ZFHX3: variants seen among roughly 807,000 people sequenced by gnomAD.
ZFHX3 encodes the protein zinc finger homeobox protein 3.
In ZFHX3, 42 loss-of-function variants were observed where a neutral mutation model predicts 279.1. That is an observed-to-expected ratio of 0.15 (90% CI 0.12 to 0.19). ZFHX3 has a LOEUF of 0.19. ZFHX3 is among the 10% of genes least tolerant of loss of function. The probability of loss-of-function intolerance (pLI) is 1.00; values close to 1 mark genes in which losing one functional copy is unlikely to be tolerated. For missense variants in ZFHX3, 4,981 were observed against 4,754.0 expected (o/e 1.05, Z -1.40); for synonymous variants, 2,293 against 1,957.8 (o/e 1.17, Z -4.52).
intron 4 of ZFHX3, among the ~76,000 whole-genome samples, chr16:72,882,866 G>A (rs148026111): frequency 0.023 from 3,479 of 152,102 alleles, 68 homozygotes; most frequent in South Asian, 0.1. Flanking sequence ...AAGCAATAGC[G>A]TCTCCAAGAT....
chr16:73,596,815 G>T (rs1040014034), intron 2 of ZFHX3, among the ~76,000 whole-genome samples: 1 of 152,126 alleles, frequency 6.6e-6, no homozygotes, highest in African/African-American at 2.4e-5. Context: ...TTTCAGATCT[G>T]CTATAGTCCT....
chr16:73,860,234 T>C (rs1342475628), intron 1 of ZFHX3, among the ~76,000 whole-genome samples: 2 of 152,186 alleles, frequency 1.3e-5, no homozygotes, highest in Non-Finnish European at 2.9e-5. Flanking sequence ...ACAAATGTAA[T>C]GTTCCCCCAA....
chr16:73,720,969 C>G (rs2142237803), intron 1 of ZFHX3, among the ~76,000 whole-genome samples: 1 of 152,246 alleles, frequency 6.6e-6, no homozygotes, highest in South Asian at 2.1e-4. Context: ...AAGTGACAGC[C>G]TAGGGGCCAC....
intron 1 of ZFHX3, among the ~76,000 whole-genome samples, chr16:73,837,539 T>C (rs1161873943): frequency 6.6e-6 from 1 of 152,232 alleles, no homozygotes; most frequent in African/African-American, 2.4e-5. Context: ...ATGCCCATGC[T>C]CCAGAATCAC....
intron 1 of ZFHX3, among the ~76,000 whole-genome samples, chr16:73,025,227 G>A (rs920240522): frequency 1.1e-4 from 16 of 152,074 alleles, no homozygotes; most frequent in Non-Finnish European, 1.8e-4. Flanking sequence ...TCCCCACAAC[G>A]ACCGCCCTGC....
chr16:72,878,189 A>G (rs573821534), intron 4 of ZFHX3, among the ~76,000 whole-genome samples: 1 of 152,264 alleles, frequency 6.6e-6, no homozygotes, highest in South Asian at 2.1e-4. Context: ...AAAAAAAGAA[A>G]ACAAAAACAA....
chr16:72,983,571 G>A (rs1342917420), intron 1 of ZFHX3, among the ~76,000 whole-genome samples: 3 of 152,188 alleles, frequency 2.0e-5, no homozygotes, highest in African/African-American at 7.2e-5. Flanking sequence ...GCTGGGAGTG[G>A]TGGCACCCAC....
intron 5 of ZFHX3, among the ~76,000 whole-genome samples, chr16:73,195,798 G>A (rs929851614): frequency 2.0e-5 from 3 of 152,144 alleles, no homozygotes; most frequent in Non-Finnish European, 4.4e-5. Flanking sequence ...AGGGGAATCA[G>A]GAACGGCAGG....
At chr16:73,488,030 T>A (rs1243327655) in intron 2 of ZFHX3, among the ~76,000 whole-genome samples, 2 of 152,206 alleles carry the variant, frequency 1.3e-5, no homozygotes, top group African/African-American at 2.4e-5. Flanking sequence ...CTAGCATAAA[T>A]GTTCTACCTG....
At chr16:73,457,642 G>A (rs967615177) in intron 2 of ZFHX3, among the ~76,000 whole-genome samples, 24 of 152,284 alleles carry the variant, frequency 1.6e-4, no homozygotes, top group African/African-American at 4.6e-4. Flanking sequence ...GCGTAGTGGC[G>A]CATGCCTGTA....
At chr16:73,698,989 A>G (rs1002322839) in intron 1 of ZFHX3, among the ~76,000 whole-genome samples, 1 of 151,972 alleles carries the variant, frequency 6.6e-6, no homozygotes, top group African/African-American at 2.4e-5. Context: ...GGTTCAAGCA[A>G]TTCTCCTGCC....
intron 7 of ZFHX3, among the ~76,000 whole-genome samples, chr16:73,119,321 G>A (rs1966468579): frequency 6.6e-6 from 1 of 152,042 alleles, no homozygotes; most frequent in African/African-American, 2.4e-5. Flanking sequence ...TGTCTAGGCT[G>A]GTCTCCAACT....
intron 4 of ZFHX3, among the ~76,000 whole-genome samples, chr16:72,854,056 T>C (rs551564590): frequency 1.3e-5 from 2 of 152,296 alleles, no homozygotes; most frequent in African/African-American, 4.8e-5. Context: ...TGTGCTAACA[T>C]GAGGGTCCTG....
chr16:73,117,767 G>A (rs2144805084), intron 7 of ZFHX3, among the ~76,000 whole-genome samples: 1 of 152,288 alleles, frequency 6.6e-6, no homozygotes, highest in African/African-American at 2.4e-5. Context: ...TAGGTCATGA[G>A]GGTGGAACCC....
chr16:73,680,533 A>G (rs1052712884), intron 1 of ZFHX3, among the ~76,000 whole-genome samples: 1 of 152,232 alleles, frequency 6.6e-6, no homozygotes, highest in Non-Finnish European at 1.5e-5. Context: ...CACATTAACC[A>G]ATACATTTTT....
At chr16:73,063,206 G>A (rs929293308), upstream of ZFHX3, among the ~76,000 whole-genome samples, 2 of 152,232 alleles carry the variant, frequency 1.3e-5, no homozygotes, top group Non-Finnish European at 2.9e-5. Flanking sequence ...GGGTTAAGCT[G>A]CCCGAGCCCG....
rs1172073237 is a variant in ZFHX3 at position 73,276,439 on chromosome 16, C to A, written c.-1193-19303G>T. ...CCTCAAGTGATCTGCCTGCCTTGGC[C>A]TCTCAAAGTGCTGGGATTTACAGGT... On this transcript the variant is annotated intron_variant, in intron 4 of 17. Coordinates refer to the ZFHX3 transcript ENST00000641206. 3.3e-5 allele frequency among the ~76,000 whole-genome samples: 5 copies of A among 152,078 alleles called. No homozygotes were observed. In the East Asian group the frequency reaches 7.7e-4, roughly 23 times the overall value.
chr16:73,179,172 T>C (rs904972266), intron 5 of ZFHX3, among the ~76,000 whole-genome samples: 1 of 152,256 alleles, frequency 6.6e-6, no homozygotes, highest in African/African-American at 2.4e-5. Flanking sequence ...TGGCATTTGA[T>C]TTCTGGAACC....
chr16:73,745,980 T>C (rs1010076402), intron 1 of ZFHX3, among the ~76,000 whole-genome samples: 19 of 152,228 alleles, frequency 1.2e-4, no homozygotes, highest in Non-Finnish European at 7.3e-5. Flanking sequence ...TCTGAATGAA[T>C]GTTACTTGTG....
Sources: allele counts gnomAD v4.1 joint callset (sites outside exome capture counted in the v4.1 genomes callset), GRCh38; gene constraint gnomAD v4.1.1; transcripts MANE v1.5; gene names NCBI Gene and HGNC (gene_info 2026-07-23, HGNC 2026-07-21).